Variants in MBNL3 observed in about 807,000 individuals in gnomAD.
MBNL3 encodes the protein muscleblind-like protein 3.
In MBNL3, 6 loss-of-function variants were observed where a neutral mutation model predicts 24.5. The observed-to-expected ratio is 0.25, with a 90% CI of 0.13 to 0.48. The LOEUF (loss-of-function observed/expected upper bound fraction) is 0.48, where lower values mean the gene tolerates loss of function less well. Ranked by LOEUF, MBNL3 falls within the 20% of genes least tolerant of loss-of-function variation. MBNL3 has a pLI of 0.99. For synonymous variants in MBNL3, 100 were observed against 101.7 expected (o/e 0.98, Z 0.10); for missense variants, 230 against 293.5 (o/e 0.78, Z 1.58).
chrX:132,476,965 T>C (rs953100324), intron 1 of MBNL3, among the ~76,000 whole-genome samples: 8 of 111,984 alleles, frequency 7.1e-5, no homozygotes, highest in Non-Finnish European at 1.3e-4. Context: ...ACTCTGTACA[T>C]GTTTACAGTG....
At chrX:132,442,661 A>C (rs1283854568) in intron 1 of MBNL3, among the ~76,000 whole-genome samples, 1 of 112,921 alleles carries the variant, frequency 8.9e-6, no homozygotes, top group Non-Finnish European at 1.9e-5. Context: ...GATACATGTG[A>C]ATTCTGAACT....
chrX:132,381,110 T>C (rs1392885866), intron 8 of MBNL3, among the ~76,000 whole-genome samples: 2 of 111,806 alleles, frequency 1.8e-5, no homozygotes, highest in African/African-American at 3.2e-5. Flanking sequence ...CCTTTAATAA[T>C]AGGAAAACAT....
intron 1 of MBNL3, among the ~76,000 whole-genome samples, chrX:132,484,946 C>G (rs1947924151): frequency 9.1e-6 from 1 of 110,227 alleles, no homozygotes; most frequent in African/African-American, 3.3e-5. Context: ...CACACACACA[C>G]ACACACACAC....
chrX:132,445,367 A>G (rs1372278017), intron 1 of MBNL3, among the ~76,000 whole-genome samples: 1 of 111,062 alleles, frequency 9.0e-6, no homozygotes, highest in Non-Finnish European at 1.9e-5. Context: ...TAAGGAATAT[A>G]AGAGGTGCTC....
At chrX:132,421,943 A>T (rs755995354) in intron 2 of MBNL3, among the ~76,000 whole-genome samples, 24 of 112,093 alleles carry the variant, frequency 2.1e-4, no homozygotes, top group Non-Finnish European at 3.6e-4. Context: ...TTAAAAAAAA[A>T]TTGTAGCGAA....
chrX:132,425,363 C>T (rs1259336847), intron 2 of MBNL3, among the ~76,000 whole-genome samples: 1 of 111,647 alleles, frequency 9.0e-6, no homozygotes, highest in African/African-American at 3.2e-5. Context: ...TCTTAAACTT[C>T]GATATTGAAA....
At chrX:132,478,885 A>G (rs967260407) in intron 1 of MBNL3, among the ~76,000 whole-genome samples, 2 of 112,619 alleles carry the variant, frequency 1.8e-5, no homozygotes, top group Non-Finnish European at 1.9e-5. Context: ...TTAGATTGTG[A>G]TAACTGAACC....
intron 2 of MBNL3, among the ~76,000 whole-genome samples, chrX:132,427,031 C>T (rs1944361303): frequency 9.0e-6 from 1 of 111,674 alleles, no homozygotes; most frequent in South Asian, 3.8e-4. Context: ...CTGCTGCTTG[C>T]TCTCATATGA....
At chrX:132,381,381 T>G in intron 8 of MBNL3, 1 of 1,178,333 alleles carries the variant, frequency 8.5e-7, no homozygotes. Context: ...AACTTCTACA[T>G]CTGTGAAACA....
At chrX:132,485,229 T>A (rs927244231) in intron 1 of MBNL3, among the ~76,000 whole-genome samples, 6 of 111,550 alleles carry the variant, frequency 5.4e-5, no homozygotes, top group Non-Finnish European at 9.4e-5. Flanking sequence ...CTGTATACAT[T>A]GTTTTGAATT....
intron 1 of MBNL3, 58 bp downstream of exon 1, chrX:132,488,793 C>T (rs1387390355): frequency 8.9e-6 from 1 of 112,666 alleles, no homozygotes; most frequent in Non-Finnish European, 1.9e-5. Context: ...GGCATTATTT[C>T]CTCGGCGTCC....
intron 1 of MBNL3, among the ~76,000 whole-genome samples, chrX:132,471,793 C>T (rs1947194002): frequency 9.0e-6 from 1 of 110,729 alleles, no homozygotes. Context: ...TGTGTGTGTA[C>T]ATGCTGCAGG....
At chrX:132,446,596 G>A (rs1270936397) in intron 1 of MBNL3, among the ~76,000 whole-genome samples, 6 of 111,764 alleles carry the variant, frequency 5.4e-5, no homozygotes, top group Non-Finnish European at 1.1e-4. Context: ...ACTTTTGATG[G>A]GGTTGTTTGT....
chrX:132,386,934 C>T, intron 5 of MBNL3, 123 bp from the exon 6 acceptor site: 3 of 791,755 alleles, frequency 3.8e-6, no homozygotes, highest in Non-Finnish European at 5.5e-6. Context: ...GGGCAAGACA[C>T]TGGATAAGCA....
intron 8 of MBNL3, among the ~76,000 whole-genome samples, chrX:132,381,886 A>G (rs768235194): frequency 8.9e-5 from 10 of 112,225 alleles, no homozygotes; most frequent in African/African-American, 3.2e-4. Context: ...GAAGCATTTA[A>G]GTAACATTAA....
At chrX:132,391,488 T>C (rs992364973) in intron 4 of MBNL3, among the ~76,000 whole-genome samples, 6 of 112,154 alleles carry the variant, frequency 5.3e-5, no homozygotes, top group Non-Finnish European at 1.1e-4. Flanking sequence ...AACTGAGTTA[T>C]ATGTACAATC....
rs59387058 is a variant in MBNL3, at chrX:132,449,977, G to GCCCCCCCCCCCC, written c.-703-9675_-703-9664dup. Among the ~76,000 whole-genome samples, 19 of 25,467 alleles carry GCCCCCCCCCCCC rather than the reference G, an allele frequency of 7.5e-4. 1 individual carries two copies. Among genetic ancestry groups the GCCCCCCCCCCCC allele is most frequent in the East Asian group, 1.6e-3 (1 of 643 alleles). The allele number at this position is 25,467 out of a possible 115,157, so 22.1% of individuals were successfully genotyped here. A position where few individuals can be genotyped will look rare whatever the true frequency, so the allele number is the denominator to read the frequency against. On this transcript the variant is annotated intron_variant, in intron 1 of 8. Transcript: ENST00000370853. ...ATTTTCTTTAAGAATGCTGAATATT[G>GCCCCCCCCCCCC]CCCCCCCCCCCCCCCCGCCACTTCT...
intron 5 of MBNL3, 42 bp from the exon 6 acceptor site, chrX:132,386,853 A>G (rs776223214): frequency 8.5e-7 from 1 of 1,182,019 alleles, no homozygotes; most frequent in Non-Finnish European, 1.1e-6. Context: ...GAAAGTAACA[A>G]ATGTACTCAA....
At chrX:132,387,378 C>T (rs1436559642) in intron 5 of MBNL3, among the ~76,000 whole-genome samples, 1 of 107,296 alleles carries the variant, frequency 9.3e-6, no homozygotes, top group Non-Finnish European at 1.9e-5. Flanking sequence ...CTAATTTAGA[C>T]CTCATTTGGG....
Sources: gnomAD v4.1 joint callset for allele counts (sites outside exome capture counted in the v4.1 genomes callset) on GRCh38, gnomAD v4.1.1 for gene constraint, MANE v1.5 for transcripts, NCBI Gene and HGNC (gene_info 2026-07-23, HGNC 2026-07-21) for gene names.